The following WWOX variants were observed in gnomAD, a reference collection of about 807,000 sequenced individuals.
WWOX encodes the protein WW domain containing oxidoreductase.
A neutral mutation model predicts 46.2 loss-of-function variants in WWOX; 69 were observed. That is an observed-to-expected ratio of 1.49 (90% CI 1.23 to 1.82). The LOEUF (loss-of-function observed/expected upper bound fraction) is 1.82. Among genes scored for constraint, WWOX ranks in the 40% most tolerant of loss-of-function variants. The probability of loss-of-function intolerance (pLI) is 0.00; values close to 1 mark genes in which losing one functional copy is unlikely to be tolerated. For missense variants in WWOX, 919 were observed against 542.6 expected (o/e 1.69, Z -6.89); for synonymous variants, 359 against 202.6 (o/e 1.77, Z -6.56).
intron 6 of WWOX, among the ~76,000 whole-genome samples, chr16:78,413,891 G>T (rs954850066): frequency 2.0e-5 from 3 of 151,648 alleles, no homozygotes; most frequent in Admixed American, 1.3e-4. Context: ...GGAGGCTGAG[G>T]TTGTCAGGCC....
At chr16:78,541,444 A>G (rs1368130124) in intron 8 of WWOX, among the ~76,000 whole-genome samples, 1 of 116,818 alleles carries the variant, frequency 8.6e-6, no homozygotes, top group Non-Finnish European at 1.6e-5. Flanking sequence ...ACTGCACTCC[A>G]GCCTGGGCGA....
chr16:79,086,543 T>C (rs2048857110), intron 8 of WWOX, among the ~76,000 whole-genome samples: 1 of 152,196 alleles, frequency 6.6e-6, no homozygotes, highest in Non-Finnish European at 1.5e-5. Flanking sequence ...TGAATGCTTC[T>C]CTCCCTCTGG....
At chr16:78,493,595 T>C (rs1276538406) in intron 8 of WWOX, among the ~76,000 whole-genome samples, 1 of 152,208 alleles carries the variant, frequency 6.6e-6, no homozygotes, top group Admixed American at 6.5e-5. Flanking sequence ...TTCTGATTAA[T>C]GACACCGCAA....
chr16:78,606,321 C>T (rs1350687420), intron 8 of WWOX, among the ~76,000 whole-genome samples: 4 of 152,080 alleles, frequency 2.6e-5, no homozygotes, highest in Non-Finnish European at 5.9e-5. Context: ...AAAATTGTTT[C>T]TCTTTTATAA....
At chr16:79,107,710 C>T (rs1025809636) in intron 8 of WWOX, among the ~76,000 whole-genome samples, 1 of 152,168 alleles carries the variant, frequency 6.6e-6, no homozygotes, top group African/African-American at 2.4e-5. Flanking sequence ...TGAAAATGTT[C>T]ACATCCTTCC....
At chr16:78,884,632 A>G (rs2044414990) in intron 8 of WWOX, among the ~76,000 whole-genome samples, 1 of 152,206 alleles carries the variant, frequency 6.6e-6, no homozygotes, top group African/African-American at 2.4e-5. Context: ...CAATGAGTTG[A>G]CTAAAAAGCA....
At chr16:79,187,952 T>A (rs1172298147) in intron 8 of WWOX, among the ~76,000 whole-genome samples, 1 of 152,216 alleles carries the variant, frequency 6.6e-6, no homozygotes, top group Non-Finnish European at 1.5e-5. Context: ...CGATTGATAA[T>A]GTTCCCTCTT....
chr16:78,201,379 T>G (rs544982891), intron 5 of WWOX, among the ~76,000 whole-genome samples: 27 of 152,330 alleles, frequency 1.8e-4, no homozygotes, highest in African/African-American at 5.8e-4. Context: ...CCGGAAGGTA[T>G]TAATGATTTG....
intron 5 of WWOX, among the ~76,000 whole-genome samples, chr16:78,212,369 A>T (rs1297104968): frequency 6.6e-6 from 1 of 152,238 alleles, no homozygotes; most frequent in Non-Finnish European, 1.5e-5. Context: ...ATTCAAAAGG[A>T]CAGGGAAGTG....
chr16:78,738,256 T>C (rs1567527005), intron 8 of WWOX, among the ~76,000 whole-genome samples: 1 of 152,180 alleles, frequency 6.6e-6, no homozygotes, highest in East Asian at 1.9e-4. Flanking sequence ...AGATAATTTT[T>C]CCCCTTTCTA....
chr16:78,144,473 A>ACG (rs2034116957), intron 4 of WWOX, among the ~76,000 whole-genome samples: 5 of 37,592 alleles, frequency 1.3e-4, no homozygotes, highest in East Asian at 6.6e-4. Context: ...ACACACATAT[A>ACG]TATATATATA....
intron 8 of WWOX, among the ~76,000 whole-genome samples, chr16:79,088,700 G>T (rs1243693445): frequency 6.6e-6 from 1 of 152,026 alleles, no homozygotes; most frequent in Non-Finnish European, 1.5e-5. Flanking sequence ...TCAAATATGT[G>T]GTCCATATTG....
intron 8 of WWOX, among the ~76,000 whole-genome samples, chr16:78,618,682 C>G (rs573578259): frequency 6.6e-6 from 1 of 152,124 alleles, no homozygotes; most frequent in African/African-American, 2.4e-5. Flanking sequence ...ATGTTTGATC[C>G]GGGGGAATAA....
chr16:78,924,214 G>C (rs1234704553), intron 8 of WWOX, among the ~76,000 whole-genome samples: 1 of 152,122 alleles, frequency 6.6e-6, no homozygotes, highest in Admixed American at 6.5e-5. Context: ...CTGAAGCTTG[G>C]TCTTGAAGCT....
chr16:78,876,316 C>T (rs984251011), intron 8 of WWOX, among the ~76,000 whole-genome samples: 1 of 151,814 alleles, frequency 6.6e-6, no homozygotes, highest in Non-Finnish European at 1.5e-5. Flanking sequence ...CTGCTTATGG[C>T]CATGCCCTTT....
chr16:78,880,228 C>G (rs1001457950), intron 8 of WWOX, among the ~76,000 whole-genome samples: 3 of 152,166 alleles, frequency 2.0e-5, no homozygotes, highest in Admixed American at 2.0e-4. Flanking sequence ...AGTTTTCTCT[C>G]TTATTAACAT....
intron 4 of WWOX, among the ~76,000 whole-genome samples, chr16:78,119,598 A>G (rs1229732361): frequency 6.6e-6 from 1 of 151,458 alleles, no homozygotes; most frequent in African/African-American, 2.4e-5. Flanking sequence ...ACGGAGTGAC[A>G]TCCAGGGTTT....
chr16:78,476,422 C>G (rs1214143722), intron 8 of WWOX, among the ~76,000 whole-genome samples: 1 of 152,164 alleles, frequency 6.6e-6, no homozygotes, highest in South Asian at 2.1e-4. Flanking sequence ...CAGTTGGACA[C>G]AGGAAGGGGA....
At chr16:78,354,301 G>C (rs1358937616) in intron 5 of WWOX, among the ~76,000 whole-genome samples, 1 of 112,626 alleles carries the variant, frequency 8.9e-6, no homozygotes, top group Non-Finnish European at 1.8e-5. Context: ...AGTGTCTGCT[G>C]ATGTGCTTAA....
Sources: gnomAD v4.1 joint callset for allele counts (sites outside exome capture counted in the v4.1 genomes callset) on GRCh38, gnomAD v4.1.1 for gene constraint, MANE v1.5 for transcripts, NCBI Gene and HGNC (gene_info 2026-07-23, HGNC 2026-07-21) for gene names.